The following FLG variants were observed in gnomAD, a reference collection of about 807,000 sequenced individuals.
FLG encodes epidermal filaggrin.
In FLG, 6 loss-of-function variants were observed where a neutral mutation model predicts 3.8. The ratio of observed to expected loss-of-function variants is 1.60; its 90% CI spans 0.87 to 3.15. The LOEUF is 3.15. Among genes scored for constraint, FLG ranks in the 30% most tolerant of loss-of-function variants. The pLI is 0.00. For missense variants in FLG, 7,595 were observed against 5,050.9 expected (o/e 1.50, Z -15.27); for synonymous variants, 2,551 against 1,931.6 (o/e 1.32, Z -8.41).
rs1349416657 is a variant in FLG, at chr1:152,313,248, G to C, written c.1638C>G (p.His546Gln). The change falls in exon 3 of 3, where the codon CAC (histidine) becomes CAG (glutamine). Residue 546 changes from histidine to glutamine, a missense_variant. Physicochemically the swap from His to Gln is conservative, Grantham distance 24. Transcript: ENST00000368799. ...VNRSGHSGSHHSHTTSQGRSD... is the reference protein window; with the variant it reads ...VNRSGHSGSHQSHTTSQGRSD... ...ACCTTCCCTGGGATGTGGTGTGGCT[G>C]TGATGGGAACCTGAGTGTCCAGACC... 6.2e-7 allele frequency: 1 copy of C among 1,613,964 alleles called. No homozygotes were observed. Among genetic ancestry groups the C allele is most frequent in the Non-Finnish European group, 8.5e-7 (1 of 1,180,024 alleles).
Position 152,304,367 on chromosome 1 carries a change from G to A in FLG, c.10519C>T (p.His3507Tyr), listed in dbSNP as rs536479195. ...CTGTCCGCCTGAGTGGAAGCTTCAT[G>A]GTGATGCGACCATGAGTGCCTGGAG... ...DGSRHSWSHH[H>Y]EASTQADSSR... is the part of the protein sequence containing the mutation. The change falls in exon 3 of 3, where the codon CAT (histidine) becomes TAT (tyrosine). Residue 3507 changes from histidine to tyrosine, a missense_variant. Coordinates refer to ENST00000368799, the MANE Select transcript of FLG (RefSeq NM_002016.2). 1 of 1,611,756 alleles carries A rather than the reference G, an allele frequency of 6.2e-7. No homozygotes were observed. The highest frequency in any genetic ancestry group is 2.2e-5 in the East Asian group (1 of 44,574).
rs753063221 is a variant in FLG, at chr1:152,303,122, A to T, written c.11764T>A (p.Ser3922Thr). The T allele has an allele frequency of 1.1e-5, 18 of 1,614,058 alleles. No homozygotes were observed. In the Admixed American group the frequency reaches 2.3e-4, roughly 21 times the overall value. The change falls in exon 3 of 3, where the codon TCT (serine) becomes ACT (threonine). Residue 3922 changes from serine to threonine, a missense_variant. Ser to Thr is a moderately conservative substitution (Grantham distance 58). Transcript: ENST00000368799. ...HVQSSPVQSDSSTAKEHGHFS... is the reference protein window; with the variant it reads ...HVQSSPVQSDTSTAKEHGHFS... The stretch of plus-strand genomic sequence containing the variant: ...TGACCATGTTCCTTAGCGGTACTAG[A>T]GTCTGACTGTACAGGTGAAGACTGT...
rs138726443 is a variant in FLG at position 152,307,547 on chromosome 1, G to C, written c.7339C>G (p.Arg2447Gly). Residue 2447 changes from arginine to glycine, a missense_variant, in exon 3 of 3, where the codon CGA becomes GGA. Transcript: ENST00000368799. ...GRQGSHHKQA[R>G]DSSRHSTSQE... is the part of the protein sequence containing the mutation. ...GACGTTGAGTGCCTGGAGCTGTCTC[G>C]TGCCTGCTTGTGGTGGGATCCTTGT... 3 of 1,613,514 alleles carry C rather than the reference G, an allele frequency of 1.9e-6. No homozygotes were observed. The highest frequency in any genetic ancestry group is 4.5e-5 in the East Asian group (2 of 44,778).
chr1:152,304,595 G>C lies in FLG; in HGVS notation c.10291C>G (p.Gln3431Glu), dbSNP rs545185518. The change falls in exon 3 of 3, where the codon CAG (glutamine) becomes GAG (glutamate). Residue 3431 changes from glutamine to glutamate, a missense_variant. Transcript: ENST00000368799. Reference protein sequence around the residue: ...SSRHSASQEGQDTIRGHPGSS... With the variant: ...SSRHSASQEGEDTIRGHPGSS... ...CCCGGGTGTCCACGAATGGTGTCCT[G>C]ACCCTCTTGGGACGCTGAGTGCCTG... 4 of 1,610,420 alleles carry C rather than the reference G, an allele frequency of 2.5e-6. No individual in the cohort carries two copies. The highest frequency in any genetic ancestry group is 3.4e-6 in the Non-Finnish European group (4 of 1,178,476).
At position 152,309,325 on chromosome 1, in the gene FLG, A is replaced by T; in HGVS notation, c.5561T>A (p.Val1854Asp). The change falls in exon 3 of 3, where the codon GTC becomes GAC. Residue 1854 changes from valine to aspartate, a missense_variant. Physicochemically the swap from Val to Asp is radical, Grantham distance 152. Coordinates refer to ENST00000368799, the MANE Select transcript of FLG (RefSeq NM_002016.2). ...SHTTSQERSD[V>D]SRGQSGSRSV... is the part of the protein sequence containing the mutation. ...TCTGGATCCTGACTGCCCACGGGAG[A>T]CATCAGACCTTTCCTGGGACGTGGT... is the stretch of plus-strand genomic sequence containing the variant. The T allele has an allele frequency of 6.2e-7, 1 of 1,613,084 alleles. No individual in the cohort carries two copies. Among genetic ancestry groups the T allele is most frequent in the Non-Finnish European group, 8.5e-7 (1 of 1,179,806 alleles).
Position 152,309,554 on chromosome 1 carries a change from C to A in FLG, c.5332G>T (p.Ala1778Ser), listed in dbSNP as rs537864371. The change falls in exon 3 of 3, where the codon GCC becomes TCC. Residue 1778 changes from alanine to serine, a missense_variant. By Grantham distance (99) the Ala-to-Ser change is moderately conservative. Coordinates refer to ENST00000368799, the MANE Select transcript of FLG (RefSeq NM_002016.2). ...QVSTHEQSES[A>S]HGRTGPSTGG... Reference sequence around the variant, plus strand: ...GTGCTGGGCCCTGTGCGTCCATGGGCGGACTCAGACTGTTCATGAGTGCTC... The same window carrying A: ...GTGCTGGGCCCTGTGCGTCCATGGGAGGACTCAGACTGTTCATGAGTGCTC... 175 of 1,613,710 alleles carry A rather than the reference C, an allele frequency of 1.1e-4. 2 individuals carry two copies. The South Asian group carries it at 1.6e-3, about 15-fold the overall frequency.
Position 152,314,106 on chromosome 1 carries a change from TG to T in FLG, c.779del (p.Ser260Ter). The T allele has an allele frequency of 3.1e-6, 5 of 1,614,174 alleles. No individual in the cohort carries two copies. Among genetic ancestry groups the T allele is most frequent in the Non-Finnish European group, 4.2e-6 (5 of 1,179,996 alleles). On this transcript the variant is annotated frameshift_variant, in exon 3 of 3. Transcript: ENST00000368799. LOFTEE classifies it low-confidence loss of function (END_TRUNC). ...ATGATGATTTGCCATCAGATGACCTTGATCTTTCATATATTTTGTTTTCTTC... is the reference window on the plus strand; with the variant it reads ...ATGATGATTTGCCATCAGATGACCTTATCTTTCATATATTTTGTTTTCTTC... ...LLEENKIYER[S>X]RSSDGKSSSQ...
At position 152,311,172 on chromosome 1, in the gene FLG, A is replaced by G. The variant is rs1216894575; in HGVS notation, c.3714T>C (p.His1238=). The change falls in exon 3 of 3, where the codon CAT becomes CAC. Residue 1238 remains histidine (H), a synonymous_variant. Coordinates refer to ENST00000368799, the MANE Select transcript of FLG (RefSeq NM_002016.2). ...AGCTGTCAGCCCAAGAGGCAGCTTC[A>G]TGGTGACGTGACCCTGAGTGCCTGG... The part of the protein sequence containing the change: ...DGSRHSGSRH[H]EAASWADSSR... 1.2e-6 allele frequency: 2 copies of G among 1,613,458 alleles called. No homozygotes were observed. The highest frequency in any genetic ancestry group is 1.1e-5 in the South Asian group (1 of 91,036).
chr1:152,314,849 A>G (rs887696202), intron 2 of FLG, 102 bp from the exon 3 acceptor site: 10 of 1,480,596 alleles, frequency 6.8e-6, no homozygotes, highest in African/African-American at 1.4e-5. Context: ...TTGAGTATTA[A>G]AAAGTGGGAC....
chr1:152,310,408 G>T lies in FLG; in HGVS notation c.4478C>A (p.Pro1493Gln), dbSNP rs1472088771. 1 of 1,613,358 alleles carries T rather than the reference G, an allele frequency of 6.2e-7. No homozygotes were observed. Among genetic ancestry groups the T allele is most frequent in the Non-Finnish European group, 8.5e-7 (1 of 1,179,826 alleles). ...QDGQDTIRGH[P>Q]GSSRGGRQGS... ...CTGCCTTCCTCCTCTGCTTGACCCC[G>T]GGTGTCCACGAATGGTGTCCTGACC... Residue 1493 changes from proline (P) to glutamine (Q), a missense_variant, in exon 3 of 3, where the codon CCG becomes CAG. Physicochemically the swap from Pro to Gln is moderately conservative, Grantham distance 76. Transcript: ENST00000368799.
Position 152,311,592 on chromosome 1 carries a change from G to A in FLG, c.3294C>T (p.Ser1098=), listed in dbSNP as rs1570909811. The change falls in exon 3 of 3, where the codon AGC becomes AGT. Residue 1098 remains serine, a synonymous_variant. Coordinates refer to ENST00000368799, the MANE Select transcript of FLG (RefSeq NM_002016.2). ...ACCAGTCACGTGCGGACTCTTGGTG[G>A]CTCTGCTGATGGGGCCCATCCTGTC... is the stretch of plus-strand genomic sequence containing the variant. ...GHGQDGPHQQ[S]HQESARDWSG... is the part of the protein sequence containing the mutation. 6.2e-7 allele frequency: 1 copy of A among 1,613,950 alleles called. No individual in the cohort carries two copies. Among genetic ancestry groups the A allele is most frequent in the South Asian group, 1.1e-5 (1 of 91,056 alleles).
Position 152,310,204 on chromosome 1 carries a change from T to G in FLG, c.4682A>C (p.His1561Pro), listed in dbSNP as rs1447991326. ...GDGSRHSGSR[H>P]HEPSTRAGSS... ...GCCGGCCCGAGTGGAAGGTTCATGG[T>G]GACGTGACCCTGAGTGCCTGGAGCC... Residue 1561 changes from histidine (H) to proline (P), a missense_variant, in exon 3 of 3, where the codon CAC becomes CCC. Transcript: ENST00000368799. 1 of 1,613,872 alleles carries G rather than the reference T, an allele frequency of 6.2e-7. No individual in the cohort carries two copies. Among genetic ancestry groups the G allele is most frequent in the East Asian group, 2.2e-5 (1 of 44,808 alleles).
At position 152,309,070 on chromosome 1, in the gene FLG, G is replaced by A. The variant is rs765230314; in HGVS notation, c.5816C>T (p.Ser1939Phe). The A allele has an allele frequency of 1.9e-6, 3 of 1,613,988 alleles. No individual in the cohort carries two copies. The highest frequency in any genetic ancestry group is 1.3e-5 in the African/African-American group (1 of 74,922). The stretch of plus-strand genomic sequence containing the variant: ...CCAAGCAGATCCAAGATGGTTTCTG[G>A]AAGCAGACCCAGACCACCTCTCAGA... ...EDSERWSGSA[S>F]RNHLGSAWEQ... The change falls in exon 3 of 3, where the codon TCC (serine) becomes TTC (phenylalanine). Residue 1939 changes from serine (S) to phenylalanine (F), a missense_variant. Transcript: ENST00000368799.
At chr1:152,323,726 A>C (rs1394865122) in intron 1 of FLG, among the ~76,000 whole-genome samples, 1 of 151,558 alleles carries the variant, frequency 6.6e-6, no homozygotes, top group Non-Finnish European at 1.5e-5. Context: ...TGACAGAAGC[A>C]CTTTGGAAAA....
chr1:152,317,866 C>T (rs1413265814), intron 1 of FLG, among the ~76,000 whole-genome samples: 1 of 152,054 alleles, frequency 6.6e-6, no homozygotes, highest in South Asian at 2.1e-4. Flanking sequence ...GTCGCACACC[C>T]GTTATCCTCA....
chr1:152,313,051 C>G lies in FLG; in HGVS notation c.1835G>C (p.Arg612Thr), dbSNP rs769522998. The G allele has an allele frequency of 2.5e-6, 4 of 1,613,990 alleles. No homozygotes were observed. The highest frequency in any genetic ancestry group is 3.4e-6 in the Non-Finnish European group (4 of 1,180,004). Residue 612 changes from arginine to threonine, a missense_variant, in exon 3 of 3, where the codon AGG becomes ACG. Physicochemically the swap from Arg to Thr is moderately conservative, Grantham distance 71 (BLOSUM62 -1). Coordinates refer to ENST00000368799, the MANE Select transcript of FLG (RefSeq NM_002016.2). ...QVGQGQSSGP[R>T]TSRNQGSSVS... ...ACTGGATCCCTGGTTCCTACTTGTC[C>G]TGGGCCCCGATGATTGTCCCTGGCC... is the stretch of plus-strand genomic sequence containing the variant.
Position 152,313,161 on chromosome 1 carries a change from T to A in FLG, c.1725A>T (p.Glu575Asp), listed in dbSNP as rs541595576. 18 of 1,613,824 alleles carry A rather than the reference T, an allele frequency of 1.1e-5. No individual in the cohort carries two copies. In the South Asian group the frequency reaches 2.0e-4, roughly 18 times the overall value. The change falls in exon 3 of 3, where the codon GAA becomes GAT. Residue 575 changes from glutamate (E) to aspartate (D), a missense_variant. By Grantham distance (45) the Glu-to-Asp change is conservative. Coordinates refer to ENST00000368799, the MANE Select transcript of FLG (RefSeq NM_002016.2). ...AGTGCCTGGTGCCGTCTCCTGATTG[T>A]TCCTCATTTCGTGTTTGTCTGCTTG... ...RSASRQTRNE[E>D]QSGDGTRHSG...
Position 152,310,229 on chromosome 1 carries a change from C to T in FLG, c.4657G>A (p.Gly1553Ser), listed in dbSNP as rs137923075. 53 of 1,613,550 alleles carry T rather than the reference C, an allele frequency of 3.3e-5. No individual in the cohort carries two copies. Among genetic ancestry groups the T allele is most frequent in the East Asian group, 1.3e-4 (6 of 44,816 alleles). Residue 1553 changes from glycine to serine, a missense_variant, in exon 3 of 3, where the codon GGC (glycine) becomes AGC (serine). Physicochemically the swap from Gly to Ser is moderately conservative, Grantham distance 56. Transcript: ENST00000368799. The stretch of plus-strand genomic sequence containing the variant: ...TGACGTGACCCTGAGTGCCTGGAGC[C>T]GTCTCCTGATTGTTCCTCATTTCTT... ...QTRNEEQSGD[G>S]SRHSGSRHHE...
chr1:152,313,298 A>G lies in FLG; in HGVS notation c.1588T>C (p.Ser530Pro). Residue 530 changes from serine (S) to proline (P), a missense_variant, in exon 3 of 3, where the codon TCC (serine) becomes CCC (proline). Physicochemically the swap from Ser to Pro is moderately conservative, Grantham distance 74. Transcript: ENST00000368799. ...PGSSRGGRQG[S>P]HHEQSVNRSG... is the part of the protein sequence containing the mutation. ...CTATTTACCGATTGCTCGTGGTGGG[A>G]TCCCTGCCTTCCTCCTCTGCTTGAC... The G allele has an allele frequency of 6.2e-7, 1 of 1,613,568 alleles. No homozygotes were observed. Among genetic ancestry groups the G allele is most frequent in the Non-Finnish European group, 8.5e-7 (1 of 1,179,938 alleles).
Sources: gnomAD v4.1 joint callset for allele counts (sites outside exome capture counted in the v4.1 genomes callset) on GRCh38, gnomAD v4.1.1 for gene constraint, MANE v1.5 for transcripts, NCBI Gene and HGNC (gene_info 2026-07-23, HGNC 2026-07-21) for gene names.